TRAPPC11: variants seen among roughly 807,000 people sequenced by gnomAD.
TRAPPC11 encodes the protein trafficking protein particle complex subunit 11.
In TRAPPC11, 104 loss-of-function variants were observed where a neutral mutation model predicts 151.2. The ratio of observed to expected loss-of-function variants is 0.69; its 90% CI spans 0.59 to 0.81. The LOEUF (loss-of-function observed/expected upper bound fraction) is 0.81, where lower values mean the gene tolerates loss of function less well. TRAPPC11 is among the 30% of genes least tolerant of loss of function. The pLI, the probability that TRAPPC11 is intolerant of heterozygous loss-of-function variation, is 0.00. For missense variants in TRAPPC11, 1,230 were observed against 1,349.6 expected (o/e 0.91, Z 1.39); for synonymous variants, 456 against 472.3 (o/e 0.97, Z 0.45).
At position 183,712,859 on chromosome 4, in the gene TRAPPC11, A is replaced by G. The variant is rs1162151803; in HGVS notation, c.*215A>G. 2.1e-6 allele frequency: 1 copy of G among 478,662 alleles called. No individual in the cohort carries two copies. Among genetic ancestry groups the G allele is most frequent in the African/African-American group, 2.0e-5 (1 of 50,740 alleles). The allele number at this position is 478,662 out of a possible 1,614,324, so 29.7% of individuals were successfully genotyped here. A position where few individuals can be genotyped will look rare whatever the true frequency, so the allele number is the denominator to read the frequency against. ...AATAAATATCTGAAATCTCAGTACG[A>G]CATGAAAGAATGTCAGACCATTGTT... is the stretch of plus-strand genomic sequence containing the variant. On this transcript the variant is annotated 3_prime_UTR_variant, in exon 30 of 30. Coordinates refer to ENST00000334690, the MANE Select transcript of TRAPPC11 (RefSeq NM_021942.6).
intron 1 of TRAPPC11, among the ~76,000 whole-genome samples, chr4:183,660,715 T>G (rs1355104346): frequency 6.6e-6 from 1 of 152,196 alleles, no homozygotes; most frequent in African/African-American, 2.4e-5. Context: ...GGTCACTTGT[T>G]TTTTGTTGTT....
At chr4:183,699,548 A>G (rs1736701169) in intron 25 of TRAPPC11, among the ~76,000 whole-genome samples, 1 of 152,186 alleles carries the variant, frequency 6.6e-6, no homozygotes, top group Admixed American at 6.5e-5. Context: ...TGTGGCTTGA[A>G]CTTCTAGTAT....
chr4:183,684,060 T>G lies in TRAPPC11; in HGVS notation c.1287+6T>G, dbSNP rs1206325000. Reference sequence around the variant, plus strand: ...AGAGAAATGTTGTTCACTCTGTAAGTTTTGTGTCCAATATAAACTATTTTT... The same window carrying G: ...AGAGAAATGTTGTTCACTCTGTAAGGTTTGTGTCCAATATAAACTATTTTT... On this transcript the variant is annotated splice_donor_region_variant and intron_variant, in intron 12 of 29. Coordinates refer to ENST00000334690, the MANE Select transcript of TRAPPC11 (RefSeq NM_021942.6). The G allele has an allele frequency of 6.2e-7, 1 of 1,613,116 alleles. No individual in the cohort carries two copies. The highest frequency in any genetic ancestry group is 1.3e-5 in the African/African-American group (1 of 74,914).
chr4:183,693,358 C>T (rs1375334943), intron 20 of TRAPPC11, among the ~76,000 whole-genome samples: 4 of 152,016 alleles, frequency 2.6e-5, no homozygotes, highest in African/African-American at 7.2e-5. Flanking sequence ...CCAGGTGCCA[C>T]CATGCCTGAC....
chr4:183,706,424 G>A (rs1737071584), intron 27 of TRAPPC11, among the ~76,000 whole-genome samples: 2 of 151,840 alleles, frequency 1.3e-5, no homozygotes, highest in Admixed American at 1.3e-4. Context: ...TTGGGAGGCT[G>A]AAGCAGGACA....
At chr4:183,665,091 C>CTTTTTTTTTTTT (rs66913932) in intron 2 of TRAPPC11, among the ~76,000 whole-genome samples, 6 of 106,450 alleles carry the variant, frequency 5.6e-5, no homozygotes, top group South Asian at 3.1e-4. Context: ...TCTTTTCTTT[C>CTTTTTTTTTTTT]TTTTTTTTTT....
At chr4:183,707,017 A>C in intron 28 of TRAPPC11, 77 bp downstream of exon 28, 1 of 1,532,942 alleles carries the variant, frequency 6.5e-7, no homozygotes, top group East Asian at 2.3e-5. Context: ...TTTAGTTTTT[A>C]TGAATGAACT....
chr4:183,674,513 T>G (rs906247888), intron 5 of TRAPPC11, among the ~76,000 whole-genome samples, 200 bp from the exon 6 acceptor site: 1 of 152,128 alleles, frequency 6.6e-6, no homozygotes, highest in African/African-American at 2.4e-5. Flanking sequence ...ATAAATAATT[T>G]TAAATGGCTT....
At chr4:183,685,948 C>T (rs1735943293) in intron 17 of TRAPPC11, among the ~76,000 whole-genome samples, 1 of 152,202 alleles carries the variant, frequency 6.6e-6, no homozygotes, top group African/African-American at 2.4e-5. Context: ...ATTCTCCTCC[C>T]TCAGCCTCCT....
In TRAPPC11 at chr4:183,701,719, T is replaced by C. The variant is rs748050714; in HGVS notation, c.2874T>C (p.Ser958=). 24 of 1,613,418 alleles carry C rather than the reference T, an allele frequency of 1.5e-5. No homozygotes were observed. The highest frequency in any genetic ancestry group is 4.4e-5 in the South Asian group (4 of 91,078). The change falls in exon 26 of 30, where the codon AGT becomes AGC. Residue 958 remains serine, a synonymous_variant. Coordinates refer to ENST00000334690, the MANE Select transcript of TRAPPC11 (RefSeq NM_021942.6). ...TAGTTATCTTACAGACTGGAGAGAG[T>C]GCTAGTGAATGCTTTTGTCTTCAAT... ...VDNVILQTGE[S]ASECFCLQCP...
At position 183,697,530 on chromosome 4, in the gene TRAPPC11, T is replaced by A. The variant is rs376514277; in HGVS notation, c.2656T>A (p.Phe886Ile). 717 of 1,604,494 alleles carry A rather than the reference T, an allele frequency of 4.5e-4. 4 individuals carry two copies. In the South Asian group the frequency reaches 6.8e-3, roughly 15 times the overall value. Residue 886 changes from phenylalanine to isoleucine, a missense_variant, in exon 24 of 30, where the codon TTT becomes ATT. Coordinates refer to ENST00000334690, the MANE Select transcript of TRAPPC11 (RefSeq NM_021942.6). ...TGAAACTGTAACAATTGAAACAGTC[T>A]TTCCATTTGATGTTGCGGTTAAATT... ...KDETVTIETVFPFDVAVKFVS... is the reference protein window; with the variant it reads ...KDETVTIETVIPFDVAVKFVS...
rs1579206551 is a variant in TRAPPC11, at chr4:183,694,006, A to T, written c.2476A>T (p.Ile826Phe). ...DESYPALLTD[I>F]PVGDLHPGEQ... Reference sequence around the variant, plus strand: ...ATCCTACCCGGCTTTACTCACTGACATTCCTGTTGGAGACTTACATCCAGG... The same window carrying T: ...ATCCTACCCGGCTTTACTCACTGACTTTCCTGTTGGAGACTTACATCCAGG... The change falls in exon 22 of 30, where the codon ATT (isoleucine) becomes TTT (phenylalanine). Residue 826 changes from isoleucine (I) to phenylalanine (F), a missense_variant. Coordinates refer to ENST00000334690, the MANE Select transcript of TRAPPC11 (RefSeq NM_021942.6). The T allele has an allele frequency of 2.5e-6, 4 of 1,614,068 alleles. No homozygotes were observed. The East Asian group carries it at 8.9e-5, about 36-fold the overall frequency.
intron 29 of TRAPPC11, among the ~76,000 whole-genome samples, chr4:183,710,448 G>T (rs1306039704): frequency 6.6e-6 from 1 of 151,602 alleles, no homozygotes; most frequent in Non-Finnish European, 1.5e-5. Flanking sequence ...CACCACGCCT[G>T]GCTAATTTTT....
intron 11 of TRAPPC11, among the ~76,000 whole-genome samples, chr4:183,683,108 G>A (rs1735780453): frequency 6.8e-6 from 1 of 146,664 alleles, no homozygotes; most frequent in African/African-American, 2.5e-5. Flanking sequence ...TCACACCTGT[G>A]AACAGCCACT....
intron 22 of TRAPPC11, 118 bp downstream of exon 22, chr4:183,694,156 TTAAC>T: frequency 9.3e-7 from 1 of 1,070,000 alleles, no homozygotes; most frequent in Non-Finnish European, 1.4e-6. Context: ...AAAAAGTGAT[TTAAC>T]TAATGAACAT....
At chr4:183,682,952 T>C (rs1440699311) in intron 11 of TRAPPC11, 127 bp downstream of exon 11, 1 of 662,612 alleles carries the variant, frequency 1.5e-6, no homozygotes, top group Admixed American at 2.8e-5. Flanking sequence ...TTTTTAAACA[T>C]TGTTTTTGTT....
intron 8 of TRAPPC11, among the ~76,000 whole-genome samples, chr4:183,678,198 A>G (rs905807392): frequency 6.6e-6 from 1 of 152,112 alleles, no homozygotes; most frequent in African/African-American, 2.4e-5. Context: ...CGGCCTCCCA[A>G]AGTGCTGGAA....
intron 9 of TRAPPC11, 57 bp from the exon 10 acceptor site, chr4:183,680,063 A>G (rs1579182719): frequency 6.6e-7 from 1 of 1,509,882 alleles, no homozygotes. Context: ...GAATTACCAG[A>G]AATAAGCTTC....
chr4:183,709,423 T>C (rs973819310), intron 29 of TRAPPC11, among the ~76,000 whole-genome samples: 2 of 152,196 alleles, frequency 1.3e-5, no homozygotes, highest in Non-Finnish European at 2.9e-5. Context: ...TACAGAGTTT[T>C]TTCTATCTGT....
Sources: gnomAD v4.1 joint callset for allele counts (sites outside exome capture counted in the v4.1 genomes callset) on GRCh38, gnomAD v4.1.1 for gene constraint, MANE v1.5 for transcripts, NCBI Gene and HGNC (gene_info 2026-07-23, HGNC 2026-07-21) for gene names.